Variants in NUDCD3 observed in about 807,000 individuals in gnomAD.
NUDCD3 encodes nudC domain-containing protein 3.
Under a neutral mutation model 39.7 loss-of-function variants are expected in NUDCD3, and 13 were observed. That is an observed-to-expected ratio of 0.33 (90% CI 0.21 to 0.52). NUDCD3 has a LOEUF of 0.52. NUDCD3 is among the 20% of genes least tolerant of loss of function. The pLI is 0.96. For synonymous variants in NUDCD3, 175 were observed against 172.4 expected (o/e 1.02, Z -0.12); for missense variants, 453 against 458.1 (o/e 0.99, Z 0.10).
chr7:44,480,605 C>T (rs1800469555), intron 2 of NUDCD3, among the ~76,000 whole-genome samples: 1 of 152,024 alleles, frequency 6.6e-6, no homozygotes. Context: ...TCAAAATATT[C>T]CCAAAAAATA....
At chr7:44,401,382 C>T (rs533464092) in intron 4 of NUDCD3, among the ~76,000 whole-genome samples, 37 of 152,296 alleles carry the variant, frequency 2.4e-4, no homozygotes, top group Non-Finnish European at 8.8e-5. Context: ...CAACAAACGC[C>T]TTAGCTCCTG....
intron 3 of NUDCD3, among the ~76,000 whole-genome samples, chr7:44,419,321 C>T (rs1200585165): frequency 0.035 from 3 of 86 alleles, no homozygotes; most frequent in African/African-American, 0.1. Context: ...GAAAGAAAGG[C>T]AGCAGCCCAG....
chr7:44,417,914 T>C (rs74471443), intron 3 of NUDCD3, among the ~76,000 whole-genome samples: 7,811 of 152,068 alleles, frequency 0.051, 705 homozygotes, highest in African/African-American at 0.18. Context: ...GAAGGGAAAA[T>C]TGAGCACACA....
At chr7:44,419,458 C>G (rs1585066499) in intron 3 of NUDCD3, among the ~76,000 whole-genome samples, 1 of 152,206 alleles carries the variant, frequency 6.6e-6, no homozygotes, top group African/African-American at 2.4e-5. Flanking sequence ...GCAACAGATC[C>G]TGACAAGGAG....
At chr7:44,480,637 G>A (rs964334652) in intron 2 of NUDCD3, among the ~76,000 whole-genome samples, 1 of 151,924 alleles carries the variant, frequency 6.6e-6, no homozygotes, top group Admixed American at 6.6e-5. Flanking sequence ...ATTTGCTGAG[G>A]ATCAAAAATA....
chr7:44,476,635 A>G (rs1047367699), intron 2 of NUDCD3, among the ~76,000 whole-genome samples: 3 of 152,196 alleles, frequency 2.0e-5, no homozygotes, highest in African/African-American at 7.2e-5. Context: ...AGGCTACAGT[A>G]TTTTTGTTAT....
rs1331863498 is a variant in NUDCD3 at position 44,382,237 on chromosome 7, G to A, written c.*3774C>T. 2 of 151,986 alleles carry A rather than the reference G, an allele frequency of 1.3e-5. No individual in the cohort carries two copies. Among genetic ancestry groups the A allele is most frequent in the African/African-American group, 4.8e-5 (2 of 41,344 alleles). The allele number at this position is 151,986 out of a possible 1,614,324, so 9.4% of individuals were successfully genotyped here. A position where few individuals can be genotyped will look rare whatever the true frequency, so the allele number is the denominator to read the frequency against. On this transcript the variant is annotated 3_prime_UTR_variant, in exon 6 of 6. Coordinates refer to ENST00000355451, the MANE Select transcript of NUDCD3 (RefSeq NM_015332.4). ...GTGAGGACTGAAAAACTACATATCA[G>A]GTATCATGCTGATTACCTGGGTGAC...
chr7:44,424,993 G>A (rs1474926276), intron 3 of NUDCD3, among the ~76,000 whole-genome samples: 3 of 152,162 alleles, frequency 2.0e-5, no homozygotes, highest in African/African-American at 7.2e-5. Flanking sequence ...TCCTTTGCAG[G>A]TACATGGATG....
intron 2 of NUDCD3, among the ~76,000 whole-genome samples, chr7:44,428,636 T>C (rs548281601): frequency 3.9e-5 from 6 of 152,352 alleles, no homozygotes; most frequent in African/African-American, 1.2e-4. Flanking sequence ...GCAAATCTTA[T>C]TGTATAGGCC....
At chr7:44,470,605 G>C (rs1188253495) in intron 2 of NUDCD3, among the ~76,000 whole-genome samples, 1 of 152,154 alleles carries the variant, frequency 6.6e-6, no homozygotes, top group Non-Finnish European at 1.5e-5. Flanking sequence ...GCGTGGACCG[G>C]GCTCTGCATA....
chr7:44,441,957 C>G (rs182681146), intron 2 of NUDCD3, among the ~76,000 whole-genome samples: 2 of 152,130 alleles, frequency 1.3e-5, no homozygotes, highest in Non-Finnish European at 2.9e-5. Flanking sequence ...AGCACTGGCT[C>G]AGGGCTCATC....
At chr7:44,415,674 A>G (rs763126893) in intron 3 of NUDCD3, among the ~76,000 whole-genome samples, 12 of 152,328 alleles carry the variant, frequency 7.9e-5, no homozygotes, top group Non-Finnish European at 1.5e-4. Context: ...AGCTCTGATA[A>G]TGCCTGCATC....
chr7:44,473,438 G>A (rs940345273), intron 2 of NUDCD3, among the ~76,000 whole-genome samples: 5 of 152,284 alleles, frequency 3.3e-5, no homozygotes, highest in Non-Finnish European at 5.9e-5. Context: ...TGTGAGGACA[G>A]TGAAAAACCT....
intron 2 of NUDCD3, among the ~76,000 whole-genome samples, chr7:44,481,756 T>C (rs1585109276): frequency 1.3e-5 from 2 of 152,240 alleles, no homozygotes; most frequent in Non-Finnish European, 2.9e-5. Flanking sequence ...ATAGACTGAA[T>C]GTTTGTGTCC....
chr7:44,443,469 G>A (rs2062379054), intron 2 of NUDCD3, among the ~76,000 whole-genome samples: 1 of 151,604 alleles, frequency 6.6e-6, no homozygotes, highest in Non-Finnish European at 1.5e-5. Flanking sequence ...GGAGTGCAGT[G>A]GCGCCATCTT....
chr7:44,455,311 A>G (rs1799870891), intron 2 of NUDCD3, among the ~76,000 whole-genome samples: 1 of 152,132 alleles, frequency 6.6e-6, no homozygotes. Flanking sequence ...ATGGCACTGC[A>G]CGGGGTCCTT....
rs117701168 is a variant in NUDCD3 at position 44,382,264 on chromosome 7, A to G, written c.*3747T>C. 1.3e-5 allele frequency: 2 copies of G among 152,184 alleles called. No individual in the cohort carries two copies. The highest frequency in any genetic ancestry group is 4.8e-5 in the African/African-American group (2 of 41,432). The allele number at this position is 152,184 out of a possible 1,614,324, so 9.4% of individuals were successfully genotyped here. A position where few individuals can be genotyped will look rare whatever the true frequency, so the allele number is the denominator to read the frequency against. ...TATCATGCTGATTACCTGGGTGACA[A>G]AATTATCTGTACACCAAACCCCTAT... is the stretch of plus-strand genomic sequence containing the variant. On this transcript the variant is annotated 3_prime_UTR_variant, in exon 6 of 6. Transcript: ENST00000355451.
chr7:44,477,582 T>G (rs760442436), intron 2 of NUDCD3, among the ~76,000 whole-genome samples: 15 of 152,106 alleles, frequency 9.9e-5, no homozygotes, highest in Admixed American at 9.8e-4. Flanking sequence ...TGACGGCCCA[T>G]GCCCAGGAAA....
intron 2 of NUDCD3, among the ~76,000 whole-genome samples, chr7:44,451,199 A>G (rs906852994): frequency 6.6e-6 from 1 of 152,234 alleles, no homozygotes; most frequent in African/African-American, 2.4e-5. Context: ...TGAACCTTGA[A>G]GGCATTATGC....
Sources: allele counts gnomAD v4.1 joint callset (sites outside exome capture counted in the v4.1 genomes callset), GRCh38; gene constraint gnomAD v4.1.1; transcripts MANE v1.5; gene names NCBI Gene and HGNC (gene_info 2026-07-23, HGNC 2026-07-21).